TEAD1: variants seen among roughly 807,000 people sequenced by gnomAD.
TEAD1 encodes transcriptional enhancer factor TEF-1.
Under a neutral mutation model 54.9 loss-of-function variants are expected in TEAD1, and 9 were observed. The observed-to-expected ratio is 0.16, with a 90% CI of 0.10 to 0.29. The LOEUF is 0.29. Among genes scored for constraint, TEAD1 ranks in the 10% least tolerant of loss-of-function variants. The pLI is 1.00. For missense variants in TEAD1, 387 were observed against 535.9 expected, an observed-to-expected ratio of 0.72 and a Z score of 2.74; for synonymous variants, 200 against 187.8, an observed-to-expected ratio of 1.07 and a Z score of -0.53.
chr11:12,780,800 G>T (rs1345756434), intron 3 of TEAD1, among the ~76,000 whole-genome samples: 1 of 152,180 alleles, frequency 6.6e-6, no homozygotes, highest in African/African-American at 2.4e-5. Flanking sequence ...TACAGATTCA[G>T]TGAAATCCTT....
chr11:12,895,504 G>A (rs1948296461), intron 9 of TEAD1, among the ~76,000 whole-genome samples: 6 of 152,206 alleles, frequency 3.9e-5, no homozygotes, highest in Admixed American at 3.9e-4. Context: ...CTGTAGGAAA[G>A]CTTTGCAGTC....
chr11:12,842,936 T>G (rs1947070677), intron 3 of TEAD1, among the ~76,000 whole-genome samples: 1 of 152,246 alleles, frequency 6.6e-6, no homozygotes, highest in Admixed American at 6.5e-5. Flanking sequence ...TGAGATACTT[T>G]AAGAACATTT....
chr11:12,708,008 T>G (rs895386102), intron 2 of TEAD1, among the ~76,000 whole-genome samples: 1 of 152,190 alleles, frequency 6.6e-6, no homozygotes, highest in Non-Finnish European at 1.5e-5. Flanking sequence ...TTCATAGAAC[T>G]TTCTTTTCTG....
intron 9 of TEAD1, among the ~76,000 whole-genome samples, chr11:12,894,521 TC>T (rs1217360678): frequency 1.3e-5 from 2 of 152,148 alleles, no homozygotes; most frequent in African/African-American, 4.8e-5. Flanking sequence ...TCCTAGGCTG[TC>T]CCCACTCCAC....
intron 3 of TEAD1, among the ~76,000 whole-genome samples, chr11:12,858,030 G>C (rs1947426620): frequency 6.6e-6 from 1 of 152,166 alleles, no homozygotes; most frequent in Admixed American, 6.5e-5. Flanking sequence ...ACTTGAACCT[G>C]AGAGGTTGAG....
intron 9 of TEAD1, among the ~76,000 whole-genome samples, chr11:12,901,595 G>A (rs1386454009): frequency 6.6e-6 from 1 of 152,172 alleles, no homozygotes; most frequent in Non-Finnish European, 1.5e-5. Context: ...GCTCCAAAGA[G>A]TATCACTTTC....
At chr11:12,913,089 G>A (rs768503195) in intron 10 of TEAD1, among the ~76,000 whole-genome samples, 3 of 152,080 alleles carry the variant, frequency 2.0e-5, no homozygotes, top group Non-Finnish European at 2.9e-5. Flanking sequence ...TGCCATAGTC[G>A]GGGTGGCTGC....
At chr11:12,865,553 G>A (rs1171246782) in intron 5 of TEAD1, 3 of 151,966 alleles carry the variant, frequency 2.0e-5, no homozygotes, top group Non-Finnish European at 4.4e-5. Context: ...AGATCTTAGA[G>A]ATGGGAAAAC....
chr11:12,738,760 G>A lies in TEAD1; in HGVS notation c.-54-25419G>A, dbSNP rs117697193. 5.5e-3 allele frequency among the ~76,000 whole-genome samples: 837 copies of A among 152,280 alleles called. 9 individuals carry two copies. The highest frequency in any genetic ancestry group is 7.6e-3 in the Non-Finnish European group (514 of 68,016). On this transcript the variant is annotated intron_variant, in intron 2 of 12. Coordinates refer to ENST00000527636, the MANE Select transcript of TEAD1 (RefSeq NM_021961.6). ...TAAGACAGCCTGGCATGTGGGCTCTGAAAATCAGAGCAGTATTCCAGCCCC... is the reference window on the plus strand; with the variant it reads ...TAAGACAGCCTGGCATGTGGGCTCTAAAAATCAGAGCAGTATTCCAGCCCC...
chr11:12,924,987 A>T lies in TEAD1; in HGVS notation c.949A>T (p.Asn317Tyr). 6.2e-7 allele frequency: 1 copy of T among 1,614,224 alleles called. No individual in the cohort carries two copies. The highest frequency in any genetic ancestry group is 8.5e-7 in the Non-Finnish European group (1 of 1,180,036). The change falls in exon 11 of 13, where the codon AAT becomes TAT. Residue 317 changes from asparagine (N) to tyrosine (Y), a missense_variant. Physicochemically the swap from Asn to Tyr is moderately radical, Grantham distance 143. Around this residue, in one of 5 missense-constraint regions of TEAD1, gnomAD observed 123 missense variants for 199.0 expected, o/e 0.62. Transcript: ENST00000527636. The stretch of plus-strand genomic sequence containing the variant: ...AACCAGTCAGTACGAGAGTTCTGAA[A>T]ATATGACAGTCACCTGTTCCACCAA...
rs190795080 is a variant in TEAD1 at position 12,881,106 on chromosome 11, G to T, written c.512+55G>T. 262 of 1,586,350 alleles carry T rather than the reference G, an allele frequency of 1.7e-4. 2 individuals carry two copies. In the Admixed American group the frequency reaches 3.3e-3, roughly 20 times the overall value. ...ACTACGGGCTGGTCCCAGCCCACGT[G>T]GGGAGAGCTCTTCCTGGACCATAGT... On this transcript the variant is annotated intron_variant, in intron 7 of 12. Transcript: ENST00000527636.
rs774562894 is a variant in TEAD1 at position 12,675,439 on chromosome 11, A to G, written c.-177A>G. On this transcript the variant is annotated 5_prime_UTR_variant, in exon 2 of 13. Coordinates refer to ENST00000527636, the MANE Select transcript of TEAD1 (RefSeq NM_021961.6). ...TTGCTGCCGCTGCCGCCGCCGCTTC[A>G]TTGCACATTCAAGTGGAAAATTTTC... 1 of 152,588 alleles carries G rather than the reference A, an allele frequency of 6.6e-6. No homozygotes were observed. The highest frequency in any genetic ancestry group is 1.5e-5 in the Non-Finnish European group (1 of 68,270). The allele number at this position is 152,588 out of a possible 1,614,324, so 9.5% of individuals were successfully genotyped here.
chr11:12,751,014 A>G (rs1405510365), intron 2 of TEAD1, among the ~76,000 whole-genome samples: 1 of 152,220 alleles, frequency 6.6e-6, no homozygotes, highest in Non-Finnish European at 1.5e-5. Context: ...AATGCCAAAC[A>G]TAGAAAAATG....
intron 2 of TEAD1, among the ~76,000 whole-genome samples, chr11:12,680,195 C>T (rs1943188024): frequency 6.6e-6 from 1 of 152,210 alleles, no homozygotes; most frequent in South Asian, 2.1e-4. Flanking sequence ...TCTTTGACGG[C>T]TTTCATCCCA....
At chr11:12,798,837 C>G (rs963655542) in intron 3 of TEAD1, among the ~76,000 whole-genome samples, 1 of 152,190 alleles carries the variant, frequency 6.6e-6, no homozygotes, top group African/African-American at 2.4e-5. Context: ...TGCCTTTAGG[C>G]GGTGCCATCC....
chr11:12,840,776 G>A (rs903527950), intron 3 of TEAD1, among the ~76,000 whole-genome samples: 1 of 152,166 alleles, frequency 6.6e-6, no homozygotes, highest in Non-Finnish European at 1.5e-5. Context: ...GTGGCTTTCT[G>A]CACGGGCCCC....
intron 2 of TEAD1, among the ~76,000 whole-genome samples, chr11:12,691,220 T>C (rs1265925895): frequency 6.6e-6 from 1 of 152,234 alleles, no homozygotes; most frequent in Non-Finnish European, 1.5e-5. Context: ...TTACTGATGC[T>C]CAAATTGTTT....
At chr11:12,717,413 G>A (rs375926810) in intron 2 of TEAD1, among the ~76,000 whole-genome samples, 6 of 152,312 alleles carry the variant, frequency 3.9e-5, no homozygotes, top group African/African-American at 1.4e-4. Context: ...GATAGAAGAT[G>A]TGCTGTGTAA....
At position 12,878,855 on chromosome 11, in the gene TEAD1, A is replaced by G. The variant is rs755045806; in HGVS notation, c.331-853A>G. On this transcript the variant is annotated intron_variant, in intron 5 of 12. Coordinates refer to ENST00000527636, the MANE Select transcript of TEAD1 (RefSeq NM_021961.6). The stretch of plus-strand genomic sequence containing the variant: ...AAGAAAAAAAATCCCTTTTTATGCA[A>G]TCCTTTTAACAAATTGTTTATTATT... The G allele has an allele frequency of 1.4e-4, 181 of 1,265,886 alleles. No homozygotes were observed. The African/African-American group carries it at 1.5e-3, about 11-fold the overall frequency. 78.4% of individuals were successfully genotyped at this position (1,265,886 alleles called of 1,614,324 possible). A position where few individuals can be genotyped will look rare whatever the true frequency, so the allele number is the denominator to read the frequency against.
Sources: allele counts gnomAD v4.1 joint callset (sites outside exome capture counted in the v4.1 genomes callset), GRCh38; gene constraint gnomAD v4.1.1; regional missense constraint gnomAD v4.1.1; transcripts MANE v1.5; gene names NCBI Gene and HGNC (gene_info 2026-07-23, HGNC 2026-07-21).